The following PTPN13 variants were observed in gnomAD, a reference collection of about 807,000 sequenced individuals.
PTPN13 encodes the protein tyrosine-protein phosphatase non-receptor type 13.
In PTPN13, 191 loss-of-function variants were observed where a neutral mutation model predicts 284.0. The ratio of observed to expected loss-of-function variants is 0.67; its 90% CI spans 0.60 to 0.76. The LOEUF is 0.76. Ranked by LOEUF, PTPN13 falls within the 30% of genes least tolerant of loss-of-function variation. The probability of loss-of-function intolerance (pLI) is 0.00; values close to 1 mark genes in which losing one functional copy is unlikely to be tolerated. For synonymous variants in PTPN13, 986 were observed against 1,022.3 expected (o/e 0.96, Z 0.68); for missense variants, 2,797 against 2,939.9 (o/e 0.95, Z 1.12).
At chr4:86,713,213 G>A (rs901769691) in intron 7 of PTPN13, among the ~76,000 whole-genome samples, 1 of 151,926 alleles carries the variant, frequency 6.6e-6, no homozygotes, top group Non-Finnish European at 1.5e-5. Flanking sequence ...GGCCTTATTG[G>A]TCTTATTGTC....
At chr4:86,652,947 T>C (rs1318110160) in intron 2 of PTPN13, among the ~76,000 whole-genome samples, 1 of 151,978 alleles carries the variant, frequency 6.6e-6, no homozygotes, top group African/African-American at 2.4e-5. Context: ...TCTTTCTTAT[T>C]TTTCCCCCGA....
intron 1 of PTPN13, among the ~76,000 whole-genome samples, chr4:86,603,177 GAAT>G (rs1008105004): frequency 3.4e-4 from 52 of 151,982 alleles, no homozygotes; most frequent in African/African-American, 1.1e-3. Context: ...AGTATAATTT[GAAT>G]TAAAATGAAA....
chr4:86,725,709 T>A (rs932516488), intron 10 of PTPN13, among the ~76,000 whole-genome samples: 2 of 149,838 alleles, frequency 1.3e-5, no homozygotes, highest in Non-Finnish European at 3.0e-5. Flanking sequence ...TTGTAGATTC[T>A]GGATATTAGC....
chr4:86,731,068 A>G (rs928058970), intron 10 of PTPN13, among the ~76,000 whole-genome samples: 3 of 152,186 alleles, frequency 2.0e-5, no homozygotes, highest in Admixed American at 2.0e-4. Flanking sequence ...TACACACTCA[A>G]TTAAATTGAA....
At chr4:86,775,078 T>G in intron 33 of PTPN13, 93 bp from the exon 34 acceptor site, 1 of 887,306 alleles carries the variant, frequency 1.1e-6, no homozygotes, top group Non-Finnish European at 1.7e-6. Context: ...TAATATATAT[T>G]ATAAATTAGG....
At chr4:86,772,638 C>T in intron 31 of PTPN13, 140 bp from the exon 32 acceptor site, 2 of 632,642 alleles carry the variant, frequency 3.2e-6, no homozygotes, top group South Asian at 2.5e-5. Flanking sequence ...ATTCATAGTC[C>T]AGAGTCATAC....
intron 7 of PTPN13, among the ~76,000 whole-genome samples, chr4:86,704,394 G>C (rs1281301287): frequency 6.6e-6 from 1 of 151,980 alleles, no homozygotes; most frequent in African/African-American, 2.4e-5. Flanking sequence ...TACCATAATA[G>C]TCTATTTAAT....
intron 1 of PTPN13, among the ~76,000 whole-genome samples, chr4:86,613,198 T>C (rs1258749081): frequency 6.6e-6 from 1 of 152,216 alleles, no homozygotes; most frequent in Non-Finnish European, 1.5e-5. Context: ...GGGCAAGGAA[T>C]ATTACCTTCA....
At position 86,792,927 on chromosome 4, in the gene PTPN13, G is replaced by A. The variant is rs542177969; in HGVS notation, c.6346-3947G>A. On this transcript the variant is annotated intron_variant, in intron 40 of 47. Transcript: ENST00000411767. ...AACATACCAAGTGGTAAAGACTATC[G>A]ATGCTGTGAAGAAACTGCATCAATT... Among the ~76,000 whole-genome samples the A allele has an allele frequency of 7.2e-5, 11 of 152,280 alleles. 1 individual carries two copies. In the South Asian group the frequency reaches 1.2e-3, roughly 17 times the overall value.
intron 6 of PTPN13, among the ~76,000 whole-genome samples, chr4:86,694,166 G>T (rs2148979016): frequency 6.6e-6 from 1 of 151,192 alleles, no homozygotes; most frequent in African/African-American, 2.4e-5. Context: ...TACTACCTTA[G>T]GTCATGTGAT....
chr4:86,724,787 CTG>C (rs1324385857), intron 10 of PTPN13, among the ~76,000 whole-genome samples: 1 of 151,594 alleles, frequency 6.6e-6, no homozygotes, highest in Non-Finnish European at 1.5e-5. Flanking sequence ...TTATTATATT[CTG>C]TGTTTCCCAT....
chr4:86,694,259 A>G lies in PTPN13; in HGVS notation c.634+585A>G, dbSNP rs534488842. ...TATAATTCTGTATCCTATGATAAGT[A>G]TTAAATTTATTTTTTTGAAAGAAAT... On this transcript the variant is annotated intron_variant, in intron 6 of 47. Coordinates refer to ENST00000411767, the MANE Select transcript of PTPN13 (RefSeq NM_080683.3). Among the ~76,000 whole-genome samples, 4 of 152,222 alleles carry G rather than the reference A, an allele frequency of 2.6e-5. No individual in the cohort carries two copies. In the South Asian group the frequency reaches 8.3e-4, roughly 32 times the overall value.
chr4:86,615,692 G>T (rs1404821309), intron 1 of PTPN13, among the ~76,000 whole-genome samples: 1 of 152,044 alleles, frequency 6.6e-6, no homozygotes, highest in Non-Finnish European at 1.5e-5. Flanking sequence ...ATTATCTCAA[G>T]AGTTTTTCTA....
intron 46 of PTPN13, among the ~76,000 whole-genome samples, chr4:86,810,288 G>A (rs1026206861): frequency 6.6e-6 from 1 of 151,986 alleles, no homozygotes; most frequent in African/African-American, 2.4e-5. Flanking sequence ...CTTTAGGCTT[G>A]TATAAGATAG....
chr4:86,683,126 G>T (rs147601397), intron 3 of PTPN13, among the ~76,000 whole-genome samples: 1 of 151,992 alleles, frequency 6.6e-6, no homozygotes, highest in South Asian at 2.1e-4. Context: ...GTTCTGCAGA[G>T]AAACAGAACC....
At chr4:86,642,734 C>T (rs949282182) in intron 2 of PTPN13, among the ~76,000 whole-genome samples, 31 of 151,986 alleles carry the variant, frequency 2.0e-4, no homozygotes, top group Non-Finnish European at 2.8e-4. Context: ...GAATTACAGG[C>T]GTGAGCCACC....
In PTPN13 at chr4:86,780,385, C is replaced by T; in HGVS notation, c.5892-17C>T. ...AATGTCCAAGACAATTTACAGTTGT[C>T]TTTTTTTACAACACAGAAATGATCT... On this transcript the variant is annotated splice_polypyrimidine_tract_variant and intron_variant, in intron 35 of 47. Transcript: ENST00000411767. The T allele has an allele frequency of 6.3e-7, 1 of 1,596,746 alleles. No individual in the cohort carries two copies. Among genetic ancestry groups the T allele is most frequent in the Non-Finnish European group, 8.5e-7 (1 of 1,170,160 alleles).
intron 46 of PTPN13, among the ~76,000 whole-genome samples, chr4:86,810,681 CA>C (rs1745127507): frequency 6.6e-6 from 1 of 152,090 alleles, no homozygotes; most frequent in Non-Finnish European, 1.5e-5. Context: ...CAGCTGAAGT[CA>C]AAAGATCTTT....
At chr4:86,767,776 G>A (rs1230031613) in intron 27 of PTPN13, 41 bp from the exon 28 acceptor site, 2 of 1,411,150 alleles carry the variant, frequency 1.4e-6, no homozygotes, top group African/African-American at 2.9e-5. Context: ...TATTTTCTTA[G>A]CATTCTTCTT....
Sources: allele counts gnomAD v4.1 joint callset (sites outside exome capture counted in the v4.1 genomes callset), GRCh38; gene constraint gnomAD v4.1.1; transcripts MANE v1.5; gene names NCBI Gene and HGNC (gene_info 2026-07-23, HGNC 2026-07-21).